ATG10: variants seen among roughly 807,000 people sequenced by gnomAD.
ATG10 encodes the protein ubiquitin-like-conjugating enzyme ATG10.
Under a neutral mutation model 32.1 loss-of-function variants are expected in ATG10, and 30 were observed. The observed-to-expected ratio is 0.94, with a 90% CI of 0.70 to 1.27. ATG10 has a LOEUF of 1.27. Ranked by LOEUF, ATG10 falls within the 50% of genes most tolerant of loss-of-function variation. The pLI is 0.00. For missense variants in ATG10, 233 were observed against 262.3 expected, an observed-to-expected ratio of 0.89 and a Z score of 0.77; for synonymous variants, 87 against 91.5, an observed-to-expected ratio of 0.95 and a Z score of 0.28.
At chr5:81,986,925 C>A (rs749740554) in intron 1 of ATG10, among the ~76,000 whole-genome samples, 7 of 151,958 alleles carry the variant, frequency 4.6e-5, no homozygotes, top group Non-Finnish European at 7.4e-5. Flanking sequence ...CAACTGTAAT[C>A]CCCGCTCCTC....
chr5:82,089,485 G>C (rs1764808474), intron 3 of ATG10, among the ~76,000 whole-genome samples: 1 of 152,162 alleles, frequency 6.6e-6, no homozygotes, highest in Non-Finnish European at 1.5e-5. Context: ...ATTGTGAAAA[G>C]AGAGCCATTT....
intron 3 of ATG10, among the ~76,000 whole-genome samples, chr5:82,162,172 A>C (rs1009957163): frequency 6.6e-6 from 1 of 152,102 alleles, no homozygotes; most frequent in Admixed American, 6.6e-5. Context: ...TTTCCGATGT[A>C]CAAAGAGTTT....
chr5:82,246,992 A>G (rs1002527303), intron 5 of ATG10, among the ~76,000 whole-genome samples: 4 of 152,208 alleles, frequency 2.6e-5, no homozygotes, highest in African/African-American at 4.8e-5. Flanking sequence ...CTGGACTGAT[A>G]AGAAGTCAGC....
intron 2 of ATG10, among the ~76,000 whole-genome samples, chr5:81,988,188 G>A (rs1482234715): frequency 6.6e-6 from 1 of 152,188 alleles, no homozygotes; most frequent in Non-Finnish European, 1.5e-5. Context: ...CCACGCTGGA[G>A]TGCAGTGGCA....
At chr5:81,978,890 A>C (rs1204250286) in intron 1 of ATG10, among the ~76,000 whole-genome samples, 1 of 152,058 alleles carries the variant, frequency 6.6e-6, no homozygotes, top group African/African-American at 2.4e-5. Context: ...AAGTCCATTC[A>C]AATTTTTGAA....
chr5:81,986,593 C>T (rs181811804), intron 1 of ATG10, among the ~76,000 whole-genome samples: 158 of 152,050 alleles, frequency 1.0e-3, no homozygotes, highest in African/African-American at 3.7e-3. Flanking sequence ...TCAGAAATGA[C>T]ACTGGTTTAG....
intron 5 of ATG10, among the ~76,000 whole-genome samples, chr5:82,211,360 G>T (rs1455318790): frequency 6.6e-6 from 1 of 151,896 alleles, no homozygotes; most frequent in Admixed American, 6.6e-5. Context: ...ATTATTCTCT[G>T]CTCATGATGT....
At chr5:82,189,770 T>C (rs536461133) in intron 5 of ATG10, among the ~76,000 whole-genome samples, 46 of 152,146 alleles carry the variant, frequency 3.0e-4, no homozygotes, top group African/African-American at 1.0e-3. Flanking sequence ...ATTACAGGCA[T>C]GCACCACTAC....
chr5:82,250,157 A>G (rs1747196312), intron 5 of ATG10, among the ~76,000 whole-genome samples: 1 of 152,182 alleles, frequency 6.6e-6, no homozygotes, highest in South Asian at 2.1e-4. Context: ...CTAAACAGTC[A>G]TTGTTTTAGT....
At chr5:82,084,691 G>T (rs1379007800) in intron 3 of ATG10, among the ~76,000 whole-genome samples, 1 of 152,160 alleles carries the variant, frequency 6.6e-6, no homozygotes, top group African/African-American at 2.4e-5. Context: ...CATTCTTAAA[G>T]AAAAGAATTT....
chr5:82,216,844 C>A (rs1178663777), intron 5 of ATG10, among the ~76,000 whole-genome samples: 1 of 152,060 alleles, frequency 6.6e-6, no homozygotes, highest in Non-Finnish European at 1.5e-5. Context: ...ATCATGAGGT[C>A]AGGAGTTCAA....
intron 2 of ATG10, among the ~76,000 whole-genome samples, chr5:82,022,882 C>T (rs1435805752): frequency 1.3e-5 from 2 of 151,864 alleles, no homozygotes; most frequent in African/African-American, 2.4e-5. Flanking sequence ...GTCTTAACTC[C>T]TAACCTATAG....
chr5:82,013,643 T>G (rs758635261), intron 2 of ATG10, among the ~76,000 whole-genome samples: 14 of 152,190 alleles, frequency 9.2e-5, no homozygotes, highest in Non-Finnish European at 1.6e-4. Flanking sequence ...GTGTTCCCTT[T>G]TCACCACATC....
chr5:82,145,670 T>C (rs1228552294), intron 3 of ATG10, among the ~76,000 whole-genome samples: 4 of 152,148 alleles, frequency 2.6e-5, no homozygotes, highest in South Asian at 2.1e-4. Flanking sequence ...TGCTTAAAAC[T>C]GTCACATGCA....
At chr5:81,990,948 G>A (rs1211932762) in intron 2 of ATG10, among the ~76,000 whole-genome samples, 1 of 152,238 alleles carries the variant, frequency 6.6e-6, no homozygotes, top group Admixed American at 6.5e-5. Flanking sequence ...TTTTCCAACA[G>A]TGAGGACCAA....
rs1745108902 is a variant in ATG10, at chr5:82,202,559, G to C, written c.453+23972G>C. ...CTTTTATCTGTACACAGAATTGAGG[G>C]ATCCATTACTCCAGCTATGTGCTCT... On this transcript the variant is annotated intron_variant, in intron 5 of 7. Transcript: ENST00000282185. 2.0e-5 allele frequency among the ~76,000 whole-genome samples: 3 copies of C among 152,228 alleles called. 1 individual carries two copies. Among genetic ancestry groups the C allele is most frequent in the Middle Eastern group, 3.4e-3 (1 of 294 alleles).
intron 3 of ATG10, among the ~76,000 whole-genome samples, chr5:82,128,982 C>G (rs1766395563): frequency 6.6e-6 from 1 of 151,820 alleles, no homozygotes; most frequent in Non-Finnish European, 1.5e-5. Flanking sequence ...CTTCCCATCA[C>G]TTTCAAGTAC....
chr5:82,037,296 G>T (rs1167091994), intron 2 of ATG10, among the ~76,000 whole-genome samples: 1 of 101,750 alleles, frequency 9.8e-6, no homozygotes, highest in African/African-American at 3.7e-5. Context: ...CGCCCAGGCT[G>T]GAGTGCAGTG....
intron 2 of ATG10, among the ~76,000 whole-genome samples, chr5:81,994,182 T>C (rs1194590502): frequency 6.6e-6 from 1 of 152,204 alleles, no homozygotes; most frequent in Non-Finnish European, 1.5e-5. Context: ...TATATGATTT[T>C]TTTTCTTTGT....
Sources: gnomAD v4.1 joint callset for allele counts (sites outside exome capture counted in the v4.1 genomes callset) on GRCh38, gnomAD v4.1.1 for gene constraint, MANE v1.5 for transcripts, NCBI Gene and HGNC (gene_info 2026-07-23, HGNC 2026-07-21) for gene names.